The following SLC1A2 variants were observed in gnomAD, a reference collection of about 807,000 sequenced individuals.
The protein encoded by SLC1A2 is excitatory amino acid transporter 2.
Under a neutral mutation model 48.8 loss-of-function variants are expected in SLC1A2, and 15 were observed. That is an observed-to-expected ratio of 0.31 (90% CI 0.21 to 0.47). The LOEUF (loss-of-function observed/expected upper bound fraction) is 0.47, where lower values mean the gene tolerates loss of function less well. SLC1A2 is among the 20% of genes least tolerant of loss of function. The pLI is 0.99. For missense variants in SLC1A2, 502 were observed against 730.5 expected, an observed-to-expected ratio of 0.69 and a Z score of 3.61; for synonymous variants, 279 against 272.6, an observed-to-expected ratio of 1.02 and a Z score of -0.23.
At chr11:35,284,661 G>C (rs975330741) in intron 8 of SLC1A2, among the ~76,000 whole-genome samples, 1 of 152,004 alleles carries the variant, frequency 6.6e-6, no homozygotes, top group Non-Finnish European at 1.5e-5. Context: ...AAATCTTCTG[G>C]AATGGTTAGA....
chr11:35,328,121 G>A (rs1852306056), intron 1 of SLC1A2, among the ~76,000 whole-genome samples: 1 of 152,162 alleles, frequency 6.6e-6, no homozygotes, highest in Non-Finnish European at 1.5e-5. Context: ...TGCTGCTGGT[G>A]CCATGGCCCC....
chr11:35,347,061 T>A (rs927339321), intron 1 of SLC1A2, among the ~76,000 whole-genome samples: 14 of 152,314 alleles, frequency 9.2e-5, no homozygotes, highest in African/African-American at 3.1e-4. Context: ...TTAACTACTT[T>A]AAAAAGCTAG....
At chr11:35,295,799 G>A (rs1851153360) in intron 6 of SLC1A2, among the ~76,000 whole-genome samples, 1 of 152,250 alleles carries the variant, frequency 6.6e-6, no homozygotes, top group South Asian at 2.1e-4. Flanking sequence ...AGCCTAAGAT[G>A]CCCCTCACAG....
intron 8 of SLC1A2, chr11:35,285,856 T>C (rs1731653047): frequency 6.6e-6 from 1 of 152,232 alleles, no homozygotes; most frequent in Non-Finnish European, 1.5e-5. Flanking sequence ...TCCTTATTTA[T>C]AGATGAGGAA....
intron 1 of SLC1A2, among the ~76,000 whole-genome samples, chr11:35,408,342 T>C (rs1855361218): frequency 6.6e-6 from 1 of 152,188 alleles, no homozygotes; most frequent in Admixed American, 6.5e-5. Context: ...TTGAATTGTA[T>C]CTCCCAGAAT....
intron 1 of SLC1A2, chr11:35,399,679 C>T (rs113408306): frequency 1.2e-6 from 1 of 841,968 alleles, no homozygotes; most frequent in Non-Finnish European, 1.4e-6. Flanking sequence ...CAGCTCTTTC[C>T]ATCTGCAGGG....
At chr11:35,387,124 T>A (rs1351348199) in intron 1 of SLC1A2, among the ~76,000 whole-genome samples, 1 of 152,156 alleles carries the variant, frequency 6.6e-6, no homozygotes, top group Non-Finnish European at 1.5e-5. Flanking sequence ...CTCACCCCCA[T>A]TCTCCTGTAG....
intron 4 of SLC1A2, among the ~76,000 whole-genome samples, chr11:35,307,972 C>T (rs997026730): frequency 6.6e-6 from 1 of 152,104 alleles, no homozygotes; most frequent in African/African-American, 2.4e-5. Context: ...ATCTGGGCAA[C>T]ATTGGTGTGA....
intron 4 of SLC1A2, among the ~76,000 whole-genome samples, chr11:35,311,871 G>GGAGA (rs367980308): frequency 1.3e-4 from 11 of 83,312 alleles, no homozygotes; most frequent in African/African-American, 3.0e-4. Context: ...ATAGATATAA[G>GGAGA]GAGAGAGAGA....
chr11:35,324,958 A>C (rs142953663), intron 1 of SLC1A2, among the ~76,000 whole-genome samples: 331 of 152,346 alleles, frequency 2.2e-3, no homozygotes, highest in African/African-American at 7.6e-3. Flanking sequence ...TCTTCTAAAA[A>C]TAAAGATTAT....
intron 1 of SLC1A2, among the ~76,000 whole-genome samples, chr11:35,319,515 A>G (rs1851993080): frequency 6.6e-6 from 1 of 152,210 alleles, no homozygotes; most frequent in Non-Finnish European, 1.5e-5. Flanking sequence ...CCCTCCTGCC[A>G]TTGAAATGAG....
chr11:35,283,107 T>C (rs1013490247), intron 8 of SLC1A2, among the ~76,000 whole-genome samples: 4 of 151,896 alleles, frequency 2.6e-5, no homozygotes, highest in African/African-American at 9.7e-5. Context: ...AAAACACAGA[T>C]AGGATGGGTG....
intron 1 of SLC1A2, among the ~76,000 whole-genome samples, chr11:35,336,430 C>T (rs1852634823): frequency 6.6e-6 from 1 of 152,158 alleles, no homozygotes; most frequent in Non-Finnish European, 1.5e-5. Context: ...CTCTTGAATA[C>T]TTGCTTTCAC....
intron 1 of SLC1A2, among the ~76,000 whole-genome samples, chr11:35,359,485 C>T (rs995747304): frequency 5.9e-5 from 9 of 152,190 alleles, no homozygotes; most frequent in Admixed American, 4.6e-4. Flanking sequence ...ACTGTCCTAT[C>T]GACTGCTGTC....
chr11:35,354,101 C>T (rs1396018756), intron 1 of SLC1A2, among the ~76,000 whole-genome samples: 5 of 152,016 alleles, frequency 3.3e-5, no homozygotes, highest in African/African-American at 9.7e-5. Context: ...AATCTATTAC[C>T]AAATGGCAAA....
At position 35,318,309 on chromosome 11, in the gene SLC1A2, C is replaced by T. The variant is rs554052276; in HGVS notation, c.18-793G>A. 1.6e-3 allele frequency among the ~76,000 whole-genome samples: 238 copies of T among 152,334 alleles called. 1 individual carries two copies. The Middle Eastern group carries it at 0.017, about 11-fold the overall frequency. Reference sequence around the variant, plus strand: ...GGTAATGGGAGTACTTCTCCTTCCTCAGCTTTGTCACTTCCCAGGCCAATA... The same window carrying T: ...GGTAATGGGAGTACTTCTCCTTCCTTAGCTTTGTCACTTCCCAGGCCAATA... On this transcript the variant is annotated intron_variant, in intron 1 of 10. Transcript: ENST00000278379.
chr11:35,328,231 C>T (rs893376650), intron 1 of SLC1A2, among the ~76,000 whole-genome samples: 4 of 152,178 alleles, frequency 2.6e-5, no homozygotes, highest in African/African-American at 9.7e-5. Flanking sequence ...ACTCAGCCAG[C>T]ACTTGCTGCT....
chr11:35,276,899 G>A lies in SLC1A2; in HGVS notation c.1421+3968C>T, dbSNP rs568576894. On this transcript the variant is annotated intron_variant, in intron 9 of 10. Transcript: ENST00000278379. Reference sequence around the variant, plus strand: ...CTGCTATAGCAAAATACTTGAGATTGGGTAATTTATATAGAACAGAAATTT... The same window carrying A: ...CTGCTATAGCAAAATACTTGAGATTAGGTAATTTATATAGAACAGAAATTT... Among the ~76,000 whole-genome samples the A allele has an allele frequency of 4.5e-4, 69 of 152,292 alleles. 1 individual carries two copies. In the South Asian group the frequency reaches 0.014, roughly 32 times the overall value.
chr11:35,420,039 C>A, upstream of SLC1A2: 1 of 400,690 alleles, frequency 2.5e-6, no homozygotes, highest in South Asian at 1.8e-5. Flanking sequence ...CCTCCCCCGC[C>A]GAAGCTCGAA....
Sources: gnomAD v4.1 joint callset for allele counts (sites outside exome capture counted in the v4.1 genomes callset) on GRCh38, gnomAD v4.1.1 for gene constraint, MANE v1.5 for transcripts, NCBI Gene and HGNC (gene_info 2026-07-23, HGNC 2026-07-21) for gene names.